The following PARD3B variants were observed in gnomAD, a reference collection of about 807,000 sequenced individuals.
PARD3B encodes par-3 family cell polarity regulator beta, also known as partitioning defective 3 homolog B.
Under a neutral mutation model 130.2 loss-of-function variants are expected in PARD3B, and 103 were observed. The ratio of observed to expected loss-of-function variants is 0.79; its 90% CI spans 0.67 to 0.93. The LOEUF (loss-of-function observed/expected upper bound fraction) is 0.93. PARD3B is among the 40% of genes least tolerant of loss of function. The pLI, the probability that PARD3B is intolerant of heterozygous loss-of-function variation, is 0.00. For missense variants in PARD3B, 1,609 were observed against 1,499.2 expected (o/e 1.07, Z -1.21); for synonymous variants, 583 against 553.2 (o/e 1.05, Z -0.76).
At chr2:205,127,163 G>A (rs571261301) in intron 10 of PARD3B, among the ~76,000 whole-genome samples, 202 of 152,012 alleles carry the variant, frequency 1.3e-3, no homozygotes, top group Non-Finnish European at 2.4e-3. Flanking sequence ...CAGGCATGGT[G>A]GCATGTGCCT....
chr2:205,045,058 C>A (rs1005562134), intron 3 of PARD3B, among the ~76,000 whole-genome samples: 1 of 149,212 alleles, frequency 6.7e-6, no homozygotes, highest in Non-Finnish European at 1.5e-5. Flanking sequence ...ACAGAAAAGC[C>A]GAGAAGAAGA....
chr2:205,270,351 A>G (rs1192261414), intron 16 of PARD3B, among the ~76,000 whole-genome samples: 4 of 152,024 alleles, frequency 2.6e-5, no homozygotes, highest in African/African-American at 9.7e-5. Context: ...GGCGGATCAC[A>G]AGGTCAGGAG....
At chr2:204,701,700 A>T (rs886965697) in intron 2 of PARD3B, among the ~76,000 whole-genome samples, 2 of 152,190 alleles carry the variant, frequency 1.3e-5, no homozygotes, top group Admixed American at 6.6e-5. Flanking sequence ...GTATTTAACG[A>T]TGACTTCTAC....
chr2:204,762,026 C>T (rs1461528389), intron 2 of PARD3B, among the ~76,000 whole-genome samples: 1 of 151,360 alleles, frequency 6.6e-6, no homozygotes. Context: ...CTCTTCTTGC[C>T]ATTGAGCCCA....
At chr2:204,831,867 G>A (rs115675204) in intron 2 of PARD3B, among the ~76,000 whole-genome samples, 3 of 152,014 alleles carry the variant, frequency 2.0e-5, no homozygotes, top group South Asian at 2.1e-4. Flanking sequence ...GTGACAATGG[G>A]TATATGAACT....
intron 2 of PARD3B, among the ~76,000 whole-genome samples, chr2:204,844,938 C>T (rs2044402802): frequency 6.6e-6 from 1 of 152,052 alleles, no homozygotes; most frequent in South Asian, 2.1e-4. Flanking sequence ...ATTGCTCTTA[C>T]TCTCCTCCCC....
At chr2:205,135,270 T>C (rs1313216096) in intron 10 of PARD3B, among the ~76,000 whole-genome samples, 1 of 152,324 alleles carries the variant, frequency 6.6e-6, no homozygotes, top group Non-Finnish European at 1.5e-5. Flanking sequence ...GGGGACAACC[T>C]TGATTTGCTT....
intron 2 of PARD3B, among the ~76,000 whole-genome samples, chr2:204,731,533 C>T (rs1442943434): frequency 1.3e-5 from 2 of 152,082 alleles, no homozygotes; most frequent in Non-Finnish European, 2.9e-5. Flanking sequence ...AGTCTAGACC[C>T]GTTTAGGAGT....
At chr2:205,519,656 G>T (rs913974684) in intron 21 of PARD3B, among the ~76,000 whole-genome samples, 3 of 152,160 alleles carry the variant, frequency 2.0e-5, no homozygotes, top group Non-Finnish European at 4.4e-5. Flanking sequence ...TGGTACTCTG[G>T]CCATTTGAGT....
At chr2:205,219,004 T>C (rs1169175780) in intron 15 of PARD3B, among the ~76,000 whole-genome samples, 2 of 151,662 alleles carry the variant, frequency 1.3e-5, no homozygotes, top group Admixed American at 1.3e-4. Context: ...TGCTTGAATC[T>C]GAGAGGCGGA....
intron 15 of PARD3B, among the ~76,000 whole-genome samples, chr2:205,199,501 G>T (rs1192783751): frequency 6.7e-6 from 1 of 148,670 alleles, no homozygotes; most frequent in Non-Finnish European, 1.5e-5. Context: ...ATATACACAC[G>T]CACACACGCA....
At chr2:205,400,211 T>C (rs2046199653) in intron 18 of PARD3B, among the ~76,000 whole-genome samples, 1 of 152,168 alleles carries the variant, frequency 6.6e-6, no homozygotes, top group Non-Finnish European at 1.5e-5. Flanking sequence ...TCATCATAAT[T>C]AGTCTTGAAT....
chr2:205,256,321 T>A (rs907198246), intron 16 of PARD3B, among the ~76,000 whole-genome samples: 1 of 152,082 alleles, frequency 6.6e-6, no homozygotes, highest in Non-Finnish European at 1.5e-5. Flanking sequence ...GATAAACTCA[T>A]TTAGTAAGCT....
At chr2:205,484,909 C>T (rs1008778678) in intron 20 of PARD3B, among the ~76,000 whole-genome samples, 9 of 152,070 alleles carry the variant, frequency 5.9e-5, no homozygotes, top group Admixed American at 2.0e-4. Flanking sequence ...TTTTTTTATT[C>T]GTTTTCACTG....
At chr2:205,394,477 A>T (rs576585871) in intron 18 of PARD3B, among the ~76,000 whole-genome samples, 4 of 152,194 alleles carry the variant, frequency 2.6e-5, no homozygotes, top group South Asian at 4.2e-4. Flanking sequence ...TCTAAGGCTA[A>T]TCTCTCCAGA....
At chr2:205,392,091 T>A (rs1184140455) in intron 18 of PARD3B, among the ~76,000 whole-genome samples, 1 of 152,224 alleles carries the variant, frequency 6.6e-6, no homozygotes, top group Admixed American at 6.5e-5. Flanking sequence ...TTTTAACGTA[T>A]CTGGTATTTC....
chr2:204,682,053 T>C (rs934987079), intron 1 of PARD3B, among the ~76,000 whole-genome samples: 1 of 152,136 alleles, frequency 6.6e-6, no homozygotes, highest in Non-Finnish European at 1.5e-5. Flanking sequence ...GGGCCTTCCA[T>C]TGTCACCCCC....
chr2:204,736,971 G>A (rs922818275), intron 2 of PARD3B, among the ~76,000 whole-genome samples: 2 of 152,066 alleles, frequency 1.3e-5, no homozygotes, highest in Admixed American at 1.3e-4. Flanking sequence ...TATTGAGATG[G>A]AGTTTTGCCC....
intron 2 of PARD3B, among the ~76,000 whole-genome samples, chr2:204,942,863 A>C (rs1689016007): frequency 1.3e-5 from 2 of 152,104 alleles, no homozygotes; most frequent in South Asian, 4.1e-4. Flanking sequence ...TTTTGTGAAA[A>C]AAGGAACAAC....
Sources: allele counts gnomAD v4.1 joint callset (sites outside exome capture counted in the v4.1 genomes callset), GRCh38; gene constraint gnomAD v4.1.1; transcripts MANE v1.5; gene names NCBI Gene and HGNC (gene_info 2026-07-23, HGNC 2026-07-21).